KCNJ4: variants seen among roughly 807,000 people sequenced by gnomAD.
KCNJ4 encodes the protein potassium inwardly rectifying channel subfamily J member 4.
Under a neutral mutation model 25.6 loss-of-function variants are expected in KCNJ4, and 3 were observed. That is an observed-to-expected ratio of 0.12 (90% CI 0.05 to 0.30). The LOEUF (loss-of-function observed/expected upper bound fraction) is 0.30. Ranked by LOEUF, KCNJ4 falls within the 10% of genes least tolerant of loss-of-function variation. The pLI is 1.00. For missense variants in KCNJ4, 286 were observed against 666.8 expected, an observed-to-expected ratio of 0.43 and a Z score of 6.29; for synonymous variants, 257 against 283.9, an observed-to-expected ratio of 0.91 and a Z score of 0.95.
chr22:38,445,276 C>G (rs2089365927), intron 1 of KCNJ4, among the ~76,000 whole-genome samples: 1 of 152,022 alleles, frequency 6.6e-6, no homozygotes, highest in Non-Finnish European at 1.5e-5. Context: ...GAGCAAGGGA[C>G]AGGCGGCTAC....
rs77032485 is a variant in KCNJ4 at position 38,427,671 on chromosome 22, C to T, written c.462G>A (p.Val154=). The T allele has an allele frequency of 1.2e-6, 2 of 1,613,066 alleles. No individual in the cohort carries two copies. The highest frequency in any genetic ancestry group is 1.7e-5 in the Admixed American group (1 of 60,006). Residue 154 remains valine (V), a synonymous_variant, in exon 2 of 2, where the codon GTG becomes GTA. Transcript: ENST00000303592. ...TGACGCAGCCCACGATGGACTGGAC[C>T]ACCACAGCGATGACTGCCAGCGGGC... ...EECPLAVIAV[V]VQSIVGCVID...
chr22:38,444,927 G>T (rs1456232477), intron 1 of KCNJ4, among the ~76,000 whole-genome samples: 1 of 152,226 alleles, frequency 6.6e-6, no homozygotes, highest in Admixed American at 6.5e-5. Flanking sequence ...TCTCAACACA[G>T]CGCAGTGCCT....
chr22:38,446,246 G>C (rs1057084628), intron 1 of KCNJ4, among the ~76,000 whole-genome samples: 4 of 152,252 alleles, frequency 2.6e-5, no homozygotes, highest in Non-Finnish European at 5.9e-5. Context: ...CCTCTAGCCT[G>C]TTGTCTCAGG....
chr22:38,444,301 G>A lies in KCNJ4; in HGVS notation c.-40+10679C>T, dbSNP rs988037586. Among the ~76,000 whole-genome samples the A allele has an allele frequency of 3.3e-5, 5 of 152,286 alleles. No individual in the cohort carries two copies. The East Asian group carries it at 5.8e-4, about 18-fold the overall frequency. The stretch of plus-strand genomic sequence containing the variant: ...GATAACCCAGCCCGTCAAAATTCCC[G>A]GAAAGGGTCTAACTGGGTCATGTGA... On this transcript the variant is annotated intron_variant, in intron 1 of 1. Coordinates refer to ENST00000303592, the MANE Select transcript of KCNJ4 (RefSeq NM_152868.3).
At chr22:38,438,198 C>A (rs893887007) in intron 1 of KCNJ4, among the ~76,000 whole-genome samples, 1 of 143,454 alleles carries the variant, frequency 7.0e-6, no homozygotes, top group African/African-American at 2.7e-5. Flanking sequence ...CGAGATCATG[C>A]CATTGCATTC....
intron 1 of KCNJ4, among the ~76,000 whole-genome samples, chr22:38,446,888 G>A (rs1188003670): frequency 1.3e-5 from 2 of 151,836 alleles, no homozygotes; most frequent in African/African-American, 4.8e-5. Context: ...CTGGGAGGCG[G>A]AGGTTGCAGT....
chr22:38,431,089 A>G (rs1163780495), intron 1 of KCNJ4, among the ~76,000 whole-genome samples: 1 of 152,216 alleles, frequency 6.6e-6, no homozygotes, highest in Non-Finnish European at 1.5e-5. Flanking sequence ...GTGGCGGCCC[A>G]GGCCTTCAAC....
At chr22:38,434,654 G>C (rs2093060371) in intron 1 of KCNJ4, among the ~76,000 whole-genome samples, 1 of 152,086 alleles carries the variant, frequency 6.6e-6, no homozygotes, top group Admixed American at 6.5e-5. Context: ...GGGACCCCCA[G>C]GCTCTCCCCA....
chr22:38,432,280 T>TA (rs1555917615), intron 1 of KCNJ4, among the ~76,000 whole-genome samples: 19 of 147,262 alleles, frequency 1.3e-4, no homozygotes, highest in Admixed American at 4.7e-4. Flanking sequence ...AATAAATAAA[T>TA]AAATAAAATA....
intron 1 of KCNJ4, among the ~76,000 whole-genome samples, chr22:38,435,381 A>C (rs1192767116): frequency 6.6e-6 from 1 of 152,192 alleles, no homozygotes; most frequent in Non-Finnish European, 1.5e-5. Context: ...TGAAGGGTAG[A>C]GGATTTTCCT....
intron 1 of KCNJ4, among the ~76,000 whole-genome samples, chr22:38,437,233 G>A (rs2093068004): frequency 1.3e-5 from 2 of 152,234 alleles, no homozygotes; most frequent in African/African-American, 4.8e-5. Flanking sequence ...ATGTCCAGAG[G>A]GGCCTTTGGT....
chr22:38,432,256 A>AAAATAAAT (rs60276995), intron 1 of KCNJ4, among the ~76,000 whole-genome samples: 1,530 of 142,694 alleles, frequency 0.011, 42 homozygotes, highest in African/African-American at 0.042. Flanking sequence ...ACTCCATCTC[A>AAAATAAAT]AAATAAATAA....
rs1313839475 is a variant in KCNJ4, at chr22:38,428,095, G to A, written c.38C>T (p.Pro13Leu). Residue 13 changes from proline (P) to leucine (L), a missense_variant, in exon 2 of 2, where the codon CCC becomes CTC. Around this residue, in one of 11 missense-constraint regions of KCNJ4, gnomAD observed 32 missense variants for 38.4 expected, o/e 0.83. Transcript: ENST00000303592. ...GAAGCGGTTGCGGCGCTTCCGCCGG[G>A]GCACGTGGGCCTGGCCGTTGCGGCT... ...GHSRNGQAHVPRRKRRNRFVK... is the reference protein window; with the variant it reads ...GHSRNGQAHVLRRKRRNRFVK... The A allele has an allele frequency of 6.2e-7, 1 of 1,613,360 alleles. No individual in the cohort carries two copies.
In KCNJ4 at chr22:38,426,879, C is replaced by G. The variant is rs1377418915; in HGVS notation, c.1254G>C (p.Glu418Asp). 6.2e-7 allele frequency: 1 copy of G among 1,613,244 alleles called. No individual in the cohort carries two copies. The highest frequency in any genetic ancestry group is 8.5e-7 in the Non-Finnish European group (1 of 1,179,966). Residue 418 changes from glutamate to aspartate, a missense_variant, in exon 2 of 2, where the codon GAG (glutamate) becomes GAC (aspartate). Physicochemically the swap from Glu to Asp is conservative, Grantham distance 45 (BLOSUM62 2). Coordinates refer to ENST00000303592, the MANE Select transcript of KCNJ4 (RefSeq NM_152868.3). Reference protein sequence around the residue: ...KEEAGIIRMLEFGSHLDLERM... With the variant: ...KEEAGIIRMLDFGSHLDLERM... The stretch of plus-strand genomic sequence containing the variant: ...GCTCCAGGTCCAGGTGGCTGCCGAA[C>G]TCCAGCATCCGGATGATGCCCGCCT...
At chr22:38,453,673 T>C (rs196094) in intron 1 of KCNJ4, among the ~76,000 whole-genome samples, 34,727 of 151,958 alleles carry the variant, frequency 0.23, 5,333 homozygotes, top group African/African-American at 0.44. Context: ...ATGCCACAGA[T>C]GTGGAAGATG....
At chr22:38,431,557 GTGCCCC>G (rs1412864270) in intron 1 of KCNJ4, among the ~76,000 whole-genome samples, 1 of 152,184 alleles carries the variant, frequency 6.6e-6, no homozygotes, top group Non-Finnish European at 1.5e-5. Flanking sequence ...TGGGTTCCCA[GTGCCCC>G]CAGCACATCC....
chr22:38,450,285 G>T (rs145555029), intron 1 of KCNJ4, among the ~76,000 whole-genome samples: 1 of 152,194 alleles, frequency 6.6e-6, no homozygotes, highest in Non-Finnish European at 1.5e-5. Flanking sequence ...CCATCGTTGG[G>T]AGGAGCGCTT....
At chr22:38,454,297 T>A (rs1414999005) in intron 1 of KCNJ4, among the ~76,000 whole-genome samples, 1 of 151,896 alleles carries the variant, frequency 6.6e-6, no homozygotes, top group East Asian at 1.9e-4. Flanking sequence ...GAAATGTGGG[T>A]AGGGGGCAGG....
At chr22:38,432,256 A>AAAAT (rs60276995) in intron 1 of KCNJ4, among the ~76,000 whole-genome samples, 6,472 of 142,684 alleles carry the variant, frequency 0.045, 253 homozygotes, top group African/African-American at 0.091. Flanking sequence ...ACTCCATCTC[A>AAAAT]AAATAAATAA....
Sources: allele counts gnomAD v4.1 joint callset (sites outside exome capture counted in the v4.1 genomes callset), GRCh38; gene constraint gnomAD v4.1.1; regional missense constraint gnomAD v4.1.1; transcripts MANE v1.5; gene names NCBI Gene and HGNC (gene_info 2026-07-23, HGNC 2026-07-21).